IL1RAPL1: variants seen among roughly 807,000 people sequenced by gnomAD.
The protein encoded by IL1RAPL1 is interleukin-1 receptor accessory protein-like 1.
In IL1RAPL1, 3 loss-of-function variants were observed where a neutral mutation model predicts 48.4. That is an observed-to-expected ratio of 0.06 (90% CI 0.03 to 0.16). The LOEUF is 0.16. IL1RAPL1 is among the 10% of genes least tolerant of loss of function. The pLI is 1.00. For missense variants in IL1RAPL1, 349 were observed against 530.6 expected (o/e 0.66, Z 3.36); for synonymous variants, 185 against 187.7 (o/e 0.99, Z 0.12).
At chrX:28,673,942 A>T (rs1934973418) in intron 1 of IL1RAPL1, among the ~76,000 whole-genome samples, 1 of 111,472 alleles carries the variant, frequency 9.0e-6, no homozygotes, top group Non-Finnish European at 1.9e-5. Context: ...TGCATCTTTA[A>T]TTGGGTCTCT....
intron 6 of IL1RAPL1, among the ~76,000 whole-genome samples, chrX:29,864,665 A>T (rs1931655594): frequency 9.0e-6 from 1 of 111,487 alleles, no homozygotes; most frequent in Non-Finnish European, 1.9e-5. Context: ...CCATTTTTGG[A>T]AGTTTCTTGA....
chrX:29,574,850 G>A (rs5972429), intron 5 of IL1RAPL1, among the ~76,000 whole-genome samples: 8,566 of 111,210 alleles, frequency 0.077, 858 homozygotes, highest in African/African-American at 0.27. Flanking sequence ...ACTCTAAATC[G>A]TCTCTCTCAA....
chrX:28,677,504 C>CTCTCTGGTG (rs1935011565), intron 1 of IL1RAPL1, among the ~76,000 whole-genome samples: 1 of 111,989 alleles, frequency 8.9e-6, no homozygotes, highest in Non-Finnish European at 1.9e-5. Context: ...TTCACATTTT[C>CTCTCTGGTG]TCTCTGATAC....
At chrX:29,718,118 G>A (rs767833326) in intron 6 of IL1RAPL1, among the ~76,000 whole-genome samples, 1 of 111,703 alleles carries the variant, frequency 9.0e-6, no homozygotes, top group Non-Finnish European at 1.9e-5. Flanking sequence ...CACGGATAAG[G>A]TCGGCTAGAA....
chrX:29,433,997 A>T (rs1934451765), intron 5 of IL1RAPL1, among the ~76,000 whole-genome samples: 1 of 110,343 alleles, frequency 9.1e-6, no homozygotes, highest in Admixed American at 9.7e-5. Context: ...CTTCATATAA[A>T]AATAAAGATG....
intron 2 of IL1RAPL1, among the ~76,000 whole-genome samples, chrX:28,801,127 CT>C (rs1241166590): frequency 9.1e-6 from 1 of 110,121 alleles, no homozygotes; most frequent in Non-Finnish European, 1.9e-5. Context: ...TAATCCGCCC[CT>C]GCTTGGCCTC....
chrX:28,985,049 C>CT (rs1457612773), intron 2 of IL1RAPL1, among the ~76,000 whole-genome samples: 1 of 111,429 alleles, frequency 9.0e-6, no homozygotes, highest in Non-Finnish European at 1.9e-5. Context: ...GAGCAAATCA[C>CT]TTTTTATGTA....
chrX:28,928,624 A>G (rs1278897767), intron 2 of IL1RAPL1, among the ~76,000 whole-genome samples: 1 of 111,788 alleles, frequency 8.9e-6, no homozygotes, highest in East Asian at 2.8e-4. Flanking sequence ...GATCATCTCT[A>G]TGTGGGCTTC....
chrX:29,035,861 G>A (rs1401776220), intron 2 of IL1RAPL1, among the ~76,000 whole-genome samples: 2 of 111,976 alleles, frequency 1.8e-5, no homozygotes, highest in Admixed American at 9.5e-5. Context: ...AAAGCCCGTG[G>A]TGGAAATTCT....
At chrX:29,512,675 C>T (rs1935405719) in intron 5 of IL1RAPL1, among the ~76,000 whole-genome samples, 1 of 111,923 alleles carries the variant, frequency 8.9e-6, no homozygotes, top group Non-Finnish European at 1.9e-5. Context: ...CAACTTAGCA[C>T]TTGAGCAAGA....
chrX:29,689,757 A>T (rs1926725733), intron 6 of IL1RAPL1, among the ~76,000 whole-genome samples: 1 of 112,456 alleles, frequency 8.9e-6, no homozygotes, highest in Admixed American at 9.4e-5. Context: ...AACTGAACTG[A>T]TGAAAAATAG....
intron 3 of IL1RAPL1, among the ~76,000 whole-genome samples, chrX:29,331,916 G>A (rs1932887868): frequency 9.1e-6 from 1 of 109,736 alleles, no homozygotes. Context: ...TACCTCATGG[G>A]ACTATTATCA....
At chrX:28,960,320 C>T (rs976146695) in intron 2 of IL1RAPL1, among the ~76,000 whole-genome samples, 3 of 111,357 alleles carry the variant, frequency 2.7e-5, no homozygotes, top group Non-Finnish European at 5.7e-5. Context: ...TTTTTATTTA[C>T]TTCAACATTT....
At chrX:29,417,962 T>C (rs1171935609) in intron 5 of IL1RAPL1, among the ~76,000 whole-genome samples, 26 of 107,257 alleles carry the variant, frequency 2.4e-4, no homozygotes, top group African/African-American at 8.1e-4. Flanking sequence ...TTTACTTAAA[T>C]ATTTTGGTTT....
rs773178396 is a variant in IL1RAPL1 at position 29,660,515 on chromosome X, A to G, written c.704-7915A>G. 5.4e-5 allele frequency among the ~76,000 whole-genome samples: 6 copies of G among 111,861 alleles called. No homozygotes were observed. The East Asian group carries it at 1.4e-3, about 26-fold the overall frequency. ...TAATCCATTTTGAGTTTATTTTTGT[A>G]TATGGTAAAAGATGGGTATCTACTT... On this transcript the variant is annotated intron_variant, in intron 5 of 10. Transcript: ENST00000378993.
rs141819139 is a variant in IL1RAPL1, at chrX:29,120,438, T to C, written c.83-162500T>C. On this transcript the variant is annotated intron_variant, in intron 2 of 10. Coordinates refer to ENST00000378993, the MANE Select transcript of IL1RAPL1 (RefSeq NM_014271.4). ...TTATTTTTGCTGATTTGGTCTAAGATCAGATGGCTGTAGATGTGTGACTTT... is the reference window on the plus strand; with the variant it reads ...TTATTTTTGCTGATTTGGTCTAAGACCAGATGGCTGTAGATGTGTGACTTT... Among the ~76,000 whole-genome samples, 49 of 111,798 alleles carry C rather than the reference T, an allele frequency of 4.4e-4. No individual in the cohort carries two copies. The East Asian group carries it at 0.01, about 23-fold the overall frequency.
At chrX:29,735,625 C>T (rs144416859) in intron 6 of IL1RAPL1, among the ~76,000 whole-genome samples, 76 of 111,653 alleles carry the variant, frequency 6.8e-4, no homozygotes, top group African/African-American at 2.2e-3. Flanking sequence ...TCATTCTGTC[C>T]GGTGTGAGAG....
intron 6 of IL1RAPL1, among the ~76,000 whole-genome samples, chrX:29,846,118 A>G (rs1305402493): frequency 9.0e-6 from 1 of 111,429 alleles, no homozygotes; most frequent in East Asian, 2.8e-4. Flanking sequence ...GTGTCTGCAT[A>G]TATAAAATCT....
At chrX:29,696,787 G>A (rs994545291) in intron 6 of IL1RAPL1, among the ~76,000 whole-genome samples, 2 of 109,127 alleles carry the variant, frequency 1.8e-5, no homozygotes, top group African/African-American at 6.7e-5. Flanking sequence ...AATAACAATC[G>A]CCTTTTTTTT....
Sources: gnomAD v4.1 joint callset for allele counts (sites outside exome capture counted in the v4.1 genomes callset) on GRCh38, gnomAD v4.1.1 for gene constraint, MANE v1.5 for transcripts, NCBI Gene and HGNC (gene_info 2026-07-23, HGNC 2026-07-21) for gene names.